ERBB4: variants seen among roughly 807,000 people sequenced by gnomAD.
ERBB4 encodes receptor tyrosine-protein kinase erbB-4.
ERBB4 carries 42 observed loss-of-function variants against 158.0 expected under a neutral mutation model. The ratio of observed to expected loss-of-function variants is 0.27; its 90% CI spans 0.21 to 0.34. ERBB4 has a LOEUF of 0.34. Among genes scored for constraint, ERBB4 ranks in the 10% least tolerant of loss-of-function variants. The pLI, the probability that ERBB4 is intolerant of heterozygous loss-of-function variation, is 1.00. For synonymous variants in ERBB4, 583 were observed against 558.7 expected, an observed-to-expected ratio of 1.04 and a Z score of -0.61; for missense variants, 1,333 against 1,624.1, an observed-to-expected ratio of 0.82 and a Z score of 3.08.
chr2:212,203,065 G>A (rs2082634434), intron 1 of ERBB4, among the ~76,000 whole-genome samples: 1 of 151,918 alleles, frequency 6.6e-6, no homozygotes, highest in Admixed American at 6.6e-5. Flanking sequence ...AAGTGAACGA[G>A]TCAGAAATCT....
chr2:212,060,874 G>A (rs979801675), intron 2 of ERBB4, among the ~76,000 whole-genome samples: 16 of 150,958 alleles, frequency 1.1e-4, no homozygotes, highest in Middle Eastern at 3.4e-3. Context: ...AGGAGTTAAA[G>A]AGTGCAGCAC....
intron 1 of ERBB4, among the ~76,000 whole-genome samples, chr2:212,461,483 G>A: frequency 1.3e-5 from 2 of 152,076 alleles, no homozygotes; most frequent in Non-Finnish European, 2.9e-5. Context: ...TCTCCATTTG[G>A]AATGACTGTA....
At chr2:211,727,647 T>G (rs1026504966) in intron 5 of ERBB4, among the ~76,000 whole-genome samples, 2 of 152,076 alleles carry the variant, frequency 1.3e-5, no homozygotes, top group African/African-American at 4.8e-5. Flanking sequence ...ATTCTGCTGT[T>G]GATTAGTTCA....
chr2:211,382,856 C>T lies in ERBB4; in HGVS notation c.*759G>A, dbSNP rs1051712889. 9.0e-5 allele frequency: 21 copies of T among 232,528 alleles called. No homozygotes were observed. The highest frequency in any genetic ancestry group is 1.4e-4 in the Non-Finnish European group (16 of 117,712). 14.4% of individuals were successfully genotyped at this position (232,528 alleles called of 1,614,324 possible). ...GCCATTTCACTATATTAAAATATTT[C>T]TTGCTTAAATTCTGTGAAGAAGCTT... On this transcript the variant is annotated 3_prime_UTR_variant, in exon 28 of 28. Transcript: ENST00000342788.
At chr2:211,753,132 G>C (rs906211926) in intron 4 of ERBB4, among the ~76,000 whole-genome samples, 1 of 146,690 alleles carries the variant, frequency 6.8e-6, no homozygotes, top group Non-Finnish European at 1.5e-5. Context: ...TTAAGTAAAT[G>C]CTACAATATC....
chr2:211,800,687 G>A (rs1380105458), intron 3 of ERBB4, among the ~76,000 whole-genome samples: 1 of 148,258 alleles, frequency 6.7e-6, no homozygotes, highest in Admixed American at 6.7e-5. Flanking sequence ...AAAACCTCTT[G>A]GCTCTGGTAG....
At chr2:211,709,272 T>TATATATATATATATATATATATATAC (rs1216222413) in intron 9 of ERBB4, among the ~76,000 whole-genome samples, 2 of 141,086 alleles carry the variant, frequency 1.4e-5, no homozygotes, top group African/African-American at 5.6e-5. Flanking sequence ...TATATATATA[T>TATATATATATATATATATATATATAC]ATACATACAT....
At chr2:211,495,116 T>C (rs1289346465) in intron 20 of ERBB4, among the ~76,000 whole-genome samples, 2 of 151,996 alleles carry the variant, frequency 1.3e-5, no homozygotes, top group African/African-American at 4.8e-5. Flanking sequence ...AAAAAAAGTA[T>C]AACTTAAATG....
At chr2:212,206,688 G>A (rs2105916079) in intron 1 of ERBB4, among the ~76,000 whole-genome samples, 1 of 149,852 alleles carries the variant, frequency 6.7e-6, no homozygotes, top group South Asian at 2.1e-4. Flanking sequence ...CCGGGTTCAC[G>A]CCATTCTCCT....
chr2:211,803,922 C>T (rs2076555415), intron 3 of ERBB4, among the ~76,000 whole-genome samples: 1 of 152,146 alleles, frequency 6.6e-6, no homozygotes, highest in Non-Finnish European at 1.5e-5. Flanking sequence ...GTGCAGAAGC[C>T]CCTACTGTTA....
In ERBB4 at chr2:212,463,389, AAAT is replaced by A. The variant is rs1429529924; in HGVS notation, c.82+75057_82+75059del. On this transcript the variant is annotated intron_variant, in intron 1 of 27. Transcript: ENST00000342788. ...GAATATGAACATTTGTGTCAATTAA[AAAT>A]AATAATTAAAAACACATATATGTAT... 3.9e-5 allele frequency among the ~76,000 whole-genome samples: 6 copies of A among 152,230 alleles called. No individual in the cohort carries two copies. The East Asian group carries it at 1.2e-3, about 29-fold the overall frequency.
chr2:211,622,542 AT>A (rs906368136), intron 18 of ERBB4, among the ~76,000 whole-genome samples: 1 of 152,194 alleles, frequency 6.6e-6, no homozygotes, highest in African/African-American at 2.4e-5. Context: ...AATTATTAAT[AT>A]TTTTTGTTAA....
In ERBB4 at chr2:212,446,858, G is replaced by A. The variant is rs561984697; in HGVS notation, c.82+91591C>T. ...ATAGAGTGGAACTGATAAGTAATAA[G>A]CCTAACCCATATGATTGTATTCAAT... On this transcript the variant is annotated intron_variant, in intron 1 of 27. Transcript: ENST00000342788. 4.6e-5 allele frequency among the ~76,000 whole-genome samples: 7 copies of A among 150,618 alleles called. No homozygotes were observed. In the East Asian group the frequency reaches 1.4e-3, roughly 29 times the overall value.
chr2:212,163,471 T>A (rs1468428496), intron 1 of ERBB4, among the ~76,000 whole-genome samples: 1 of 152,068 alleles, frequency 6.6e-6, no homozygotes, highest in Admixed American at 6.6e-5. Flanking sequence ...AAACTCTTGA[T>A]CTAACACATA....
In ERBB4 at chr2:212,375,050, T is replaced by C. The variant is rs538915774; in HGVS notation, c.82+163399A>G. On this transcript the variant is annotated intron_variant, in intron 1 of 27. Coordinates refer to ENST00000342788, the MANE Select transcript of ERBB4 (RefSeq NM_005235.3). ...TTGACCTGCAACATAAACCTAACTA[T>C]AGGTCAGATAGCCTCATATGAATCA... Among the ~76,000 whole-genome samples the C allele has an allele frequency of 7.6e-4, 116 of 152,096 alleles. No homozygotes were observed. In the Middle Eastern group the frequency reaches 0.02, roughly 27 times the overall value.
intron 3 of ERBB4, among the ~76,000 whole-genome samples, chr2:211,814,601 G>T (rs1399181727): frequency 1.3e-5 from 2 of 151,738 alleles, no homozygotes; most frequent in Non-Finnish European, 2.9e-5. Context: ...AGAAAGCAAA[G>T]CAGGCATTTT....
intron 1 of ERBB4, among the ~76,000 whole-genome samples, chr2:212,188,183 GGTCT>G (rs2082071632): frequency 2.6e-5 from 1 of 37,836 alleles, no homozygotes; most frequent in African/African-American, 8.1e-5. Context: ...AATACCTTCA[GGTCT>G]CTCTCTCTCT....
At chr2:211,408,021 T>C (rs1189181282) in intron 25 of ERBB4, among the ~76,000 whole-genome samples, 1 of 152,222 alleles carries the variant, frequency 6.6e-6, no homozygotes, top group East Asian at 1.9e-4. Flanking sequence ...TCTCAAGCCT[T>C]TGCAGAAGCA....
At chr2:211,400,783 C>G (rs1156363933) in intron 25 of ERBB4, among the ~76,000 whole-genome samples, 1 of 151,564 alleles carries the variant, frequency 6.6e-6, no homozygotes, top group East Asian at 1.9e-4. Context: ...AAACATATAA[C>G]TGGATTGCTT....
Sources: gnomAD v4.1 joint callset for allele counts (sites outside exome capture counted in the v4.1 genomes callset) on GRCh38, gnomAD v4.1.1 for gene constraint, MANE v1.5 for transcripts, NCBI Gene and HGNC (gene_info 2026-07-23, HGNC 2026-07-21) for gene names.